GRM8: variants seen among roughly 807,000 people sequenced by gnomAD.
The protein encoded by GRM8 is metabotropic glutamate receptor 8.
In GRM8, 47 loss-of-function variants were observed where a neutral mutation model predicts 87.2. The observed-to-expected ratio is 0.54, with a 90% CI of 0.43 to 0.69. The LOEUF (loss-of-function observed/expected upper bound fraction) is 0.69, where lower values mean the gene tolerates loss of function less well. GRM8 is among the 30% of genes least tolerant of loss of function. The probability of loss-of-function intolerance (pLI) is 0.00; values close to 1 mark genes in which losing one functional copy is unlikely to be tolerated. For synonymous variants in GRM8, 396 were observed against 404.5 expected (o/e 0.98, Z 0.25); for missense variants, 1,019 against 1,139.2 (o/e 0.89, Z 1.52).
chr7:126,806,017 T>G (rs1358060331), intron 6 of GRM8, among the ~76,000 whole-genome samples: 1 of 152,164 alleles, frequency 6.6e-6, no homozygotes, highest in Non-Finnish European at 1.5e-5. Context: ...AGACAAGAGT[T>G]TTGTCCCTGA....
chr7:126,831,672 C>T (rs1795392969), intron 6 of GRM8, among the ~76,000 whole-genome samples: 1 of 152,136 alleles, frequency 6.6e-6, no homozygotes, highest in Non-Finnish European at 1.5e-5. Flanking sequence ...CAATGCCTTG[C>T]CCTGCTTCAG....
chr7:126,763,672 T>TG (rs1269344058), intron 7 of GRM8, among the ~76,000 whole-genome samples: 37 of 89,588 alleles, frequency 4.1e-4, no homozygotes, highest in South Asian at 7.1e-4. Flanking sequence ...TAGTTTAACA[T>TG]TATGCTTAAG....
chr7:127,241,437 C>CTT (rs11291980), intron 2 of GRM8, among the ~76,000 whole-genome samples: 5 of 132,938 alleles, frequency 3.8e-5, no homozygotes, highest in African/African-American at 5.6e-5. Flanking sequence ...TTTTTTTTTT[C>CTT]TTTTTTTTTT....
At chr7:127,163,272 G>A (rs1793231422) in intron 2 of GRM8, among the ~76,000 whole-genome samples, 1 of 152,132 alleles carries the variant, frequency 6.6e-6, no homozygotes, top group Non-Finnish European at 1.5e-5. Context: ...CTTCTCTCTG[G>A]CTTCTTGTTG....
intron 3 of GRM8, among the ~76,000 whole-genome samples, chr7:127,069,511 G>C (rs561069580): frequency 5.3e-5 from 8 of 152,114 alleles, no homozygotes; most frequent in Non-Finnish European, 7.4e-5. Context: ...CCCCTTTGTG[G>C]GTAGGAAATT....
chr7:126,921,300 A>G (rs1409099169), intron 3 of GRM8, among the ~76,000 whole-genome samples: 1 of 152,130 alleles, frequency 6.6e-6, no homozygotes, highest in Non-Finnish European at 1.5e-5. Context: ...TATAAGAGCA[A>G]GTAGAGAAAA....
intron 3 of GRM8, among the ~76,000 whole-genome samples, chr7:126,934,208 A>G (rs1015501770): frequency 6.6e-6 from 1 of 152,322 alleles, no homozygotes; most frequent in South Asian, 2.1e-4. Context: ...GCTCTAGTAT[A>G]TATTTAAGAA....
At chr7:126,548,276 G>A (rs533405828) in intron 8 of GRM8, among the ~76,000 whole-genome samples, 1 of 151,548 alleles carries the variant, frequency 6.6e-6, no homozygotes, top group East Asian at 1.9e-4. Flanking sequence ...TAACAAACCT[G>A]CACATTGTGC....
intron 7 of GRM8, among the ~76,000 whole-genome samples, chr7:126,731,165 G>T (rs898343570): frequency 6.6e-6 from 1 of 152,082 alleles, no homozygotes; most frequent in Non-Finnish European, 1.5e-5. Context: ...TTCTCCTGGT[G>T]TCCCAATGGT....
intron 7 of GRM8, among the ~76,000 whole-genome samples, chr7:126,726,959 A>G (rs1813058211): frequency 6.6e-6 from 1 of 152,100 alleles, no homozygotes; most frequent in African/African-American, 2.4e-5. Context: ...TATTCTTGAT[A>G]TATCATTTTC....
intron 8 of GRM8, among the ~76,000 whole-genome samples, chr7:126,575,951 A>ATGATGGAGGC (rs1795080527): frequency 6.6e-6 from 1 of 152,168 alleles, no homozygotes; most frequent in Admixed American, 6.5e-5. Context: ...AACAAGAAAC[A>ATGATGGAGGC]TGATGGAGGC....
intron 9 of GRM8, among the ~76,000 whole-genome samples, chr7:126,455,017 A>C (rs1803065632): frequency 1.3e-5 from 2 of 151,728 alleles, no homozygotes; most frequent in Admixed American, 6.6e-5. Flanking sequence ...AAATATACCA[A>C]TAGAATCTCA....
intron 7 of GRM8, among the ~76,000 whole-genome samples, chr7:126,689,740 C>G (rs760443785): frequency 5.3e-5 from 8 of 151,994 alleles, no homozygotes; most frequent in Non-Finnish European, 1.0e-4. Context: ...TAATAATGAC[C>G]CAATAGCTAT....
intron 3 of GRM8, among the ~76,000 whole-genome samples, chr7:126,925,800 T>C (rs1329763120): frequency 1.3e-5 from 2 of 152,204 alleles, no homozygotes; most frequent in Non-Finnish European, 2.9e-5. Flanking sequence ...CTACCTAATA[T>C]CCCACAGAAT....
At chr7:127,075,631 G>T (rs1296212882) in intron 3 of GRM8, among the ~76,000 whole-genome samples, 8 of 152,090 alleles carry the variant, frequency 5.3e-5, no homozygotes, top group Admixed American at 5.2e-4. Flanking sequence ...AATGTGGAGG[G>T]AGTAGTAGTG....
chr7:126,531,115 T>C (rs975623969), intron 9 of GRM8, among the ~76,000 whole-genome samples: 2 of 152,190 alleles, frequency 1.3e-5, no homozygotes, highest in African/African-American at 4.8e-5. Context: ...TTTAGGATAA[T>C]ACAAAATTTT....
At chr7:127,192,372 G>A (rs1795071291) in intron 2 of GRM8, among the ~76,000 whole-genome samples, 1 of 152,226 alleles carries the variant, frequency 6.6e-6, no homozygotes, top group African/African-American at 2.4e-5. Context: ...AGGCAGGGGT[G>A]TGAGTGGAGG....
At position 127,088,966 on chromosome 7, in the gene GRM8, G is replaced by T. The variant is rs969911748; in HGVS notation, c.727+17530C>A. ...TGGACTTCTGCGGACACAATTGGAA[G>T]CGAAGCACATCCTTTCCACTAAAGG... On this transcript the variant is annotated intron_variant, in intron 3 of 10. Coordinates refer to ENST00000339582, the MANE Select transcript of GRM8 (RefSeq NM_000845.3). Among the ~76,000 whole-genome samples, 3 of 152,168 alleles carry T rather than the reference G, an allele frequency of 2.0e-5. No homozygotes were observed. In the South Asian group the frequency reaches 6.2e-4, roughly 31 times the overall value.
rs1326195595 is a variant in GRM8, at chr7:126,819,267, G to GAC, written c.1157-49204_1157-49203dup. On this transcript the variant is annotated intron_variant, in intron 6 of 10. Coordinates refer to ENST00000339582, the MANE Select transcript of GRM8 (RefSeq NM_000845.3). The stretch of plus-strand genomic sequence containing the variant: ...TTCTCACTCCCTTCCTATTCAGACA[G>GAC]ACACACATACACACACACACACACA... 3.6e-3 allele frequency among the ~76,000 whole-genome samples: 196 copies of GAC among 54,904 alleles called. 1 individual carries two copies. The highest frequency in any genetic ancestry group is 0.012 in the African/African-American group (186 of 15,050). 36.0% of individuals were successfully genotyped at this position (54,904 alleles called of 152,430 possible). A position where few individuals can be genotyped will look rare whatever the true frequency, so the allele number is the denominator to read the frequency against.
Sources: allele counts gnomAD v4.1 joint callset (sites outside exome capture counted in the v4.1 genomes callset), GRCh38; gene constraint gnomAD v4.1.1; transcripts MANE v1.5; gene names NCBI Gene and HGNC (gene_info 2026-07-23, HGNC 2026-07-21).